NAALADL2: variants seen among roughly 807,000 people sequenced by gnomAD.
The protein encoded by NAALADL2 is N-acetylated alpha-linked acidic dipeptidase like 2, also known as inactive N-acetylated-alpha-linked acidic dipeptidase-like protein 2.
In NAALADL2, 76 loss-of-function variants were observed where a neutral mutation model predicts 87.2. The ratio of observed to expected loss-of-function variants is 0.87; its 90% CI spans 0.72 to 1.05. The LOEUF (loss-of-function observed/expected upper bound fraction) is 1.05, where lower values mean the gene tolerates loss of function less well. NAALADL2 is among the 50% of genes least tolerant of loss of function. NAALADL2 has a pLI of 0.00. For missense variants in NAALADL2, 1,089 were observed against 945.8 expected (o/e 1.15, Z -1.99); for synonymous variants, 354 against 331.0 (o/e 1.07, Z -0.75).
intron 5 of NAALADL2, among the ~76,000 whole-genome samples, chr3:175,358,642 C>T (rs563804259): frequency 1.3e-5 from 2 of 152,214 alleles, no homozygotes; most frequent in South Asian, 4.2e-4. Context: ...GAAATAAACT[C>T]AATTTTTCTC....
At chr3:175,779,223 A>G (rs111991401) in intron 13 of NAALADL2, among the ~76,000 whole-genome samples, 16 of 152,208 alleles carry the variant, frequency 1.1e-4, no homozygotes, top group African/African-American at 3.6e-4. Context: ...AGGAAGAAAA[A>G]GGAAGTTCAG....
chr3:175,770,573 CTT>C (rs1445131620), intron 13 of NAALADL2, among the ~76,000 whole-genome samples: 1 of 152,158 alleles, frequency 6.6e-6, no homozygotes, highest in Non-Finnish European at 1.5e-5. Context: ...GTAATCTACT[CTT>C]TATGCAATAA....
chr3:174,891,724 G>C (rs1401707782), intron 1 of NAALADL2, among the ~76,000 whole-genome samples: 5 of 152,142 alleles, frequency 3.3e-5, no homozygotes, highest in Admixed American at 3.3e-4. Flanking sequence ...GGCAGTCTCT[G>C]CCACAAGGAC....
intron 1 of NAALADL2, among the ~76,000 whole-genome samples, chr3:174,527,536 A>T (rs1046359246): frequency 6.6e-6 from 1 of 151,664 alleles, no homozygotes; most frequent in Non-Finnish European, 1.5e-5. Context: ...AAAAAAAAAG[A>T]AAGTCTTTTA....
intron 1 of NAALADL2, among the ~76,000 whole-genome samples, chr3:174,939,769 T>C (rs767449147): frequency 6.6e-6 from 1 of 152,096 alleles, no homozygotes; most frequent in African/African-American, 2.4e-5. Flanking sequence ...TTTGTGGCAA[T>C]TGTGAATGAG....
At chr3:174,658,762 A>C (rs770448063) in intron 2 of NAALADL2, among the ~76,000 whole-genome samples, 1 of 152,204 alleles carries the variant, frequency 6.6e-6, no homozygotes, top group African/African-American at 2.4e-5. Context: ...AGTGATAAGA[A>C]AGCATTTTAT....
chr3:174,797,422 C>G (rs1718271683), intron 3 of NAALADL2, among the ~76,000 whole-genome samples: 1 of 147,410 alleles, frequency 6.8e-6, no homozygotes, highest in Non-Finnish European at 1.5e-5. Context: ...AGCGATTCTC[C>G]TGTCTCAGCC....
At chr3:175,268,165 A>G (rs965027524) in intron 4 of NAALADL2, among the ~76,000 whole-genome samples, 9 of 152,090 alleles carry the variant, frequency 5.9e-5, no homozygotes, top group African/African-American at 1.9e-4. Context: ...ACTTAGACAA[A>G]CTTAGATGGT....
chr3:174,627,876 A>G (rs1293175934), intron 2 of NAALADL2, among the ~76,000 whole-genome samples: 1 of 152,180 alleles, frequency 6.6e-6, no homozygotes, highest in Non-Finnish European at 1.5e-5. Context: ...TATAAGTGGG[A>G]GCTAAACAAT....
intron 5 of NAALADL2, among the ~76,000 whole-genome samples, chr3:175,362,571 C>A (rs574634520): frequency 1.4e-5 from 2 of 147,764 alleles, no homozygotes; most frequent in Non-Finnish European, 1.5e-5. Context: ...ATATCTTTAT[C>A]CATTCATTGA....
In NAALADL2 at chr3:175,318,583, C is replaced by T. The variant is rs1311116748; in HGVS notation, c.940-5592C>T. ...GAACAATACTCCCACCTACAGAATG[C>T]CACTCTTAACATTTTGCAGTATGTA... On this transcript the variant is annotated intron_variant, in intron 4 of 13. Transcript: ENST00000454872. Among the ~76,000 whole-genome samples the T allele has an allele frequency of 2.0e-5, 3 of 152,142 alleles. No individual in the cohort carries two copies. The East Asian group carries it at 5.8e-4, about 29-fold the overall frequency.
chr3:174,885,876 G>GTTTTTTT (rs60403770), intron 1 of NAALADL2, among the ~76,000 whole-genome samples: 1 of 101,638 alleles, frequency 9.8e-6, no homozygotes, highest in Admixed American at 1.1e-4. Context: ...AGTCCGAGTT[G>GTTTTTTT]TTTTTTTTTT....
At chr3:174,865,543 A>G (rs1307133145) in intron 1 of NAALADL2, among the ~76,000 whole-genome samples, 3 of 151,964 alleles carry the variant, frequency 2.0e-5, no homozygotes, top group Non-Finnish European at 4.4e-5. Context: ...CCTATCTTCC[A>G]TTAAACTATT....
Position 175,576,172 on chromosome 3 carries a change from C to A in NAALADL2, c.1785C>A (p.Asp595Glu). The A allele has an allele frequency of 6.2e-7, 1 of 1,613,196 alleles. No homozygotes were observed. The highest frequency in any genetic ancestry group is 1.7e-4 in the Middle Eastern group (1 of 6,060). ...CCATCGTGCAGTTTGCTTACGAGGA[C>A]ATCAAAACATTAGAGGTGATTGTTC... The part of the protein sequence containing the change: ...GVPIVQFAYE[D>E]IKTLEGPSFL... Residue 595 changes from aspartate (D) to glutamate (E), a missense_variant, in exon 10 of 14, where the codon GAC becomes GAA. Physicochemically the swap from Asp to Glu is conservative, Grantham distance 45 (BLOSUM62 2). Transcript: ENST00000454872.
At position 175,803,344 on chromosome 3, in the gene NAALADL2, T is replaced by A. The variant is rs1754420399; in HGVS notation, c.*141T>A. 8.4e-6 allele frequency: 4 copies of A among 476,436 alleles called. No individual in the cohort carries two copies. Among genetic ancestry groups the A allele is most frequent in the African/African-American group, 3.9e-5 (2 of 50,884 alleles). 29.5% of individuals were successfully genotyped at this position (476,436 alleles called of 1,614,324 possible). On this transcript the variant is annotated 3_prime_UTR_variant, in exon 14 of 14. Transcript: ENST00000454872. ...AAAGCTATTATTACATTGTATTTTT[T>A]AAATGTAAATATAGAAAGAACATTT...
chr3:175,151,108 G>A (rs1731480594), intron 2 of NAALADL2, among the ~76,000 whole-genome samples: 1 of 152,118 alleles, frequency 6.6e-6, no homozygotes, highest in Non-Finnish European at 1.5e-5. Flanking sequence ...TATTTGGCTG[G>A]CACTCCACCC....
At chr3:175,293,272 A>C (rs185938902) in intron 4 of NAALADL2, among the ~76,000 whole-genome samples, 18 of 152,240 alleles carry the variant, frequency 1.2e-4, no homozygotes, top group Non-Finnish European at 2.4e-4. Context: ...TTTGACACTG[A>C]ATAACTACAA....
chr3:174,884,033 G>T (rs1303096162), intron 1 of NAALADL2, among the ~76,000 whole-genome samples: 2 of 152,152 alleles, frequency 1.3e-5, no homozygotes, highest in Admixed American at 1.3e-4. Context: ...TTAAGGGTAG[G>T]AGGAGCCCGA....
rs191647836 is a variant in NAALADL2 at position 175,513,226 on chromosome 3, T to G, written c.1653+41468T>G. On this transcript the variant is annotated intron_variant, in intron 9 of 13. Transcript: ENST00000454872. ...TACAATCCTGGAGACGAAAAGAAAATAAAGATCCTAAAAGAAAAACGGTCT... is the reference window on the plus strand; with the variant it reads ...TACAATCCTGGAGACGAAAAGAAAAGAAAGATCCTAAAAGAAAAACGGTCT... Among the ~76,000 whole-genome samples the G allele has an allele frequency of 5.0e-4, 76 of 152,086 alleles. No homozygotes were observed. The East Asian group carries it at 0.014, about 29-fold the overall frequency.
Sources: allele counts gnomAD v4.1 joint callset (sites outside exome capture counted in the v4.1 genomes callset), GRCh38; gene constraint gnomAD v4.1.1; transcripts MANE v1.5; gene names NCBI Gene and HGNC (gene_info 2026-07-23, HGNC 2026-07-21).